ETV6: variants seen among roughly 807,000 people sequenced by gnomAD.
ETV6 encodes ETS variant transcription factor 6.
A neutral mutation model predicts 51.1 loss-of-function variants in ETV6; 16 were observed. That is an observed-to-expected ratio of 0.31 (90% confidence interval 0.21 to 0.48). The LOEUF (loss-of-function observed/expected upper bound fraction) is 0.48. Ranked by LOEUF, ETV6 falls within the 20% of genes least tolerant of loss-of-function variation. ETV6 has a pLI of 0.99. For missense variants in ETV6, 458 were observed against 594.8 expected (o/e 0.77, Z 2.39); for synonymous variants, 240 against 224.1 (o/e 1.07, Z -0.64).
chr12:11,832,403 C>T (rs1170947806), intron 2 of ETV6, among the ~76,000 whole-genome samples: 3 of 152,118 alleles, frequency 2.0e-5, no homozygotes, highest in Admixed American at 1.3e-4. Context: ...AAATGACATC[C>T]CAGGGTCGAG....
chr12:11,699,569 T>C (rs879814153), intron 1 of ETV6, among the ~76,000 whole-genome samples: 1 of 152,134 alleles, frequency 6.6e-6, no homozygotes, highest in Non-Finnish European at 1.5e-5. Flanking sequence ...CAAAGAGCTA[T>C]CCTGCAGGAT....
intron 2 of ETV6, among the ~76,000 whole-genome samples, chr12:11,783,892 C>G (rs1420864000): frequency 1.3e-5 from 2 of 152,122 alleles, no homozygotes; most frequent in East Asian, 3.9e-4. Context: ...GCCAAAGATA[C>G]AGGAGGTGGC....
chr12:11,699,009 G>A (rs556014708), intron 1 of ETV6, among the ~76,000 whole-genome samples: 12 of 152,258 alleles, frequency 7.9e-5, no homozygotes, highest in Non-Finnish European at 1.0e-4. Flanking sequence ...CACTATCATC[G>A]CACTCTGAAG....
At position 11,869,451 on chromosome 12, in the gene ETV6, C is replaced by T; in HGVS notation, c.491C>T (p.Pro164Leu). 1 of 1,613,032 alleles carries T rather than the reference C, an allele frequency of 6.2e-7. No individual in the cohort carries two copies. Among genetic ancestry groups the T allele is most frequent in the Non-Finnish European group, 8.5e-7 (1 of 1,179,392 alleles). ...EDNCVQRTPR[P>L]SVDNVHHNPP... ...AACTGTGTCCAGAGGACCCCCAGGC[C>T]ATCCGTGGATAATGTGCACCATAAC... Residue 164 changes from proline to leucine, a missense_variant, in exon 5 of 8, where the codon CCA becomes CTA. Coordinates refer to ENST00000396373, the MANE Select transcript of ETV6 (RefSeq NM_001987.5). The surrounding 1 kb of genome is among the most constrained non-coding windows in gnomAD (Gnocchi z 5.0).
chr12:11,725,095 T>A (rs1865464172), intron 1 of ETV6, among the ~76,000 whole-genome samples: 1 of 151,888 alleles, frequency 6.6e-6, no homozygotes, highest in East Asian at 1.9e-4. Context: ...GCACATCTGT[T>A]CTCCAGAACA....
chr12:11,855,785 C>G (rs1382640311), intron 4 of ETV6, among the ~76,000 whole-genome samples: 6 of 152,146 alleles, frequency 3.9e-5, no homozygotes, highest in African/African-American at 1.2e-4. Flanking sequence ...TCTACCCTTG[C>G]TAAATTTAGC....
At chr12:11,749,002 C>T (rs910122890) in intron 1 of ETV6, among the ~76,000 whole-genome samples, 2 of 152,128 alleles carry the variant, frequency 1.3e-5, no homozygotes, top group Non-Finnish European at 2.9e-5. Flanking sequence ...CCTTGACAAC[C>T]TGCTCATAGG....
At chr12:11,780,182 T>C (rs1945392897) in intron 2 of ETV6, among the ~76,000 whole-genome samples, 1 of 152,248 alleles carries the variant, frequency 6.6e-6, no homozygotes, top group Admixed American at 6.5e-5. Context: ...TTCATAGAAC[T>C]GTAACTGTTA....
At chr12:11,662,611 C>T (rs903903188) in intron 1 of ETV6, among the ~76,000 whole-genome samples, 1 of 152,164 alleles carries the variant, frequency 6.6e-6, no homozygotes, top group African/African-American at 2.4e-5. Flanking sequence ...AGAATAGAGT[C>T]TTCTGCCTCT....
At chr12:11,715,672 G>A (rs1292000397) in intron 1 of ETV6, among the ~76,000 whole-genome samples, 1 of 152,140 alleles carries the variant, frequency 6.6e-6, no homozygotes, top group Admixed American at 6.5e-5. Flanking sequence ...GTCACACATT[G>A]TTTTCCTTGT....
intron 2 of ETV6, among the ~76,000 whole-genome samples, chr12:11,753,233 C>T (rs778888659): frequency 6.6e-6 from 1 of 152,102 alleles, no homozygotes; most frequent in African/African-American, 2.4e-5. Context: ...ACCACTTCCC[C>T]GTCTCAGTCC....
At chr12:11,781,480 A>G (rs1316547431) in intron 2 of ETV6, among the ~76,000 whole-genome samples, 1 of 152,252 alleles carries the variant, frequency 6.6e-6, no homozygotes, top group Non-Finnish European at 1.5e-5. Context: ...AGAACTTTGG[A>G]ATCAGATATG....
At chr12:11,732,275 C>G (rs1191989237) in intron 1 of ETV6, among the ~76,000 whole-genome samples, 1 of 152,110 alleles carries the variant, frequency 6.6e-6, no homozygotes, top group African/African-American at 2.4e-5. Flanking sequence ...CTTTACTGCA[C>G]TATATGGTGA....
At chr12:11,675,757 T>G (rs1393008285) in intron 1 of ETV6, among the ~76,000 whole-genome samples, 1 of 151,882 alleles carries the variant, frequency 6.6e-6, no homozygotes, top group Non-Finnish European at 1.5e-5. Context: ...GAGGCTGCAG[T>G]GAGCTATGAT....
intron 1 of ETV6, among the ~76,000 whole-genome samples, chr12:11,734,401 G>C (rs1865662850): frequency 6.6e-6 from 1 of 151,796 alleles, no homozygotes; most frequent in Admixed American, 6.6e-5. Flanking sequence ...GAGCTCAGGA[G>C]TTCGAGACCA....
At chr12:11,773,212 AT>A (rs201109154) in intron 2 of ETV6, among the ~76,000 whole-genome samples, 16,434 of 145,564 alleles carry the variant, frequency 0.11, 1,591 homozygotes, top group East Asian at 0.35. Flanking sequence ...AAAAAAAAAA[AT>A]GAAATCTTGA....
intron 1 of ETV6, among the ~76,000 whole-genome samples, chr12:11,722,258 C>G (rs1004340254): frequency 1.3e-5 from 2 of 152,230 alleles, no homozygotes; most frequent in African/African-American, 2.4e-5. Context: ...ACCTTTTATT[C>G]TCCCCTGGGT....
chr12:11,771,501 G>C (rs1241699487), intron 2 of ETV6, among the ~76,000 whole-genome samples: 1 of 152,184 alleles, frequency 6.6e-6, no homozygotes, highest in Non-Finnish European at 1.5e-5. Context: ...GTCAGAATGA[G>C]ATACTTGTGT....
intron 2 of ETV6, among the ~76,000 whole-genome samples, chr12:11,809,784 G>A (rs1945885622): frequency 6.9e-6 from 1 of 145,908 alleles, no homozygotes; most frequent in South Asian, 2.2e-4. Context: ...GCTATTGCTT[G>A]GAAAATGGGG....
Sources: allele counts gnomAD v4.1 joint callset (sites outside exome capture counted in the v4.1 genomes callset), GRCh38; gene constraint gnomAD v4.1.1; non-coding constraint Gnocchi (gnomAD v3.1); transcripts MANE v1.5; gene names NCBI Gene and HGNC (gene_info 2026-07-23, HGNC 2026-07-21).